RBFOX1: variants seen among roughly 807,000 people sequenced by gnomAD.
RBFOX1 encodes RNA binding protein fox-1 homolog 1.
RBFOX1 carries 8 observed loss-of-function variants against 57.7 expected under a neutral mutation model. That is an observed-to-expected ratio of 0.14 (90% CI 0.08 to 0.25). The LOEUF (loss-of-function observed/expected upper bound fraction) is 0.25. Among genes scored for constraint, RBFOX1 ranks in the 10% least tolerant of loss-of-function variants. RBFOX1 has a pLI of 1.00. For missense variants in RBFOX1, 611 were observed against 548.5 expected, an observed-to-expected ratio of 1.11 and a Z score of -1.14; for synonymous variants, 326 against 222.4, an observed-to-expected ratio of 1.47 and a Z score of -4.15.
chr16:6,575,037 C>G (rs938379358), intron 2 of RBFOX1, among the ~76,000 whole-genome samples: 5 of 31,644 alleles, frequency 1.6e-4, no homozygotes, highest in African/African-American at 3.0e-4. Context: ...GACTCCGTCT[C>G]AATTAAAAAA....
At chr16:7,096,228 T>TA (rs2061672250) in intron 4 of RBFOX1, among the ~76,000 whole-genome samples, 1 of 152,094 alleles carries the variant, frequency 6.6e-6, no homozygotes, top group African/African-American at 2.4e-5. Context: ...GTGTTATTGC[T>TA]AAAACTCATG....
rs370065223 is a variant in RBFOX1, at chr16:5,316,379, C to A, written c.219+76274C>A. Among the ~76,000 whole-genome samples the A allele has an allele frequency of 5.3e-5, 8 of 152,288 alleles. 1 individual carries two copies. The South Asian group carries it at 1.7e-3, about 32-fold the overall frequency. ...CAACTGTGTGCCTGTGTGTCTAGTG[C>A]CCAGCACACTGCCCAGAACATGGGC... On this transcript the variant is annotated intron_variant, in intron 1 of 2. Transcript: ENST00000585867.
chr16:6,411,224 C>T (rs2093449243), intron 2 of RBFOX1, among the ~76,000 whole-genome samples: 1 of 152,154 alleles, frequency 6.6e-6, no homozygotes, highest in Non-Finnish European at 1.5e-5. Flanking sequence ...GCAAGCAGTT[C>T]TCCTGCTGGG....
At chr16:5,551,132 C>G (rs947412370) in intron 2 of RBFOX1, among the ~76,000 whole-genome samples, 1 of 152,208 alleles carries the variant, frequency 6.6e-6, no homozygotes, top group Non-Finnish European at 1.5e-5. Flanking sequence ...TCCCTTCTAA[C>G]CTCTTGAGAG....
At chr16:5,652,779 C>G (rs1284186647) in intron 3 of RBFOX1, among the ~76,000 whole-genome samples, 1 of 152,166 alleles carries the variant, frequency 6.6e-6, no homozygotes, top group Non-Finnish European at 1.5e-5. Flanking sequence ...GGTTAGTGAC[C>G]CTGGGTGGAT....
chr16:6,426,805 C>G lies in RBFOX1; in HGVS notation c.-64+109748C>G, dbSNP rs143372647. ...AAGTAGGTTAGACCTGTCTTGACCT[C>G]TGCAAATTCCTGCCACATGTCTCCT... On this transcript the variant is annotated intron_variant, in intron 2 of 15. Coordinates refer to ENST00000550418, the MANE Select transcript of RBFOX1 (RefSeq NM_018723.4). Among the ~76,000 whole-genome samples the G allele has an allele frequency of 1.3e-4, 20 of 152,316 alleles. No individual in the cohort carries two copies. In the East Asian group the frequency reaches 3.9e-3, roughly 29 times the overall value.
intron 3 of RBFOX1, among the ~76,000 whole-genome samples, chr16:6,846,727 C>T (rs1470968771): frequency 6.6e-6 from 1 of 152,134 alleles, no homozygotes; most frequent in South Asian, 2.1e-4. Context: ...GCTGAGCTCT[C>T]AACATGATCT....
chr16:7,087,181 A>G (rs1019608686), intron 4 of RBFOX1, among the ~76,000 whole-genome samples: 4 of 152,130 alleles, frequency 2.6e-5, no homozygotes, highest in Non-Finnish European at 5.9e-5. Context: ...GTTGCTGCAC[A>G]TGTTCTTTTC....
chr16:5,793,962 A>G (rs935315375), intron 3 of RBFOX1, among the ~76,000 whole-genome samples: 2 of 152,186 alleles, frequency 1.3e-5, no homozygotes, highest in Non-Finnish European at 2.9e-5. Flanking sequence ...GGGAGAGTTA[A>G]TATGTAAAAT....
At chr16:6,817,291 C>T (rs1041712894) in intron 3 of RBFOX1, among the ~76,000 whole-genome samples, 7 of 152,252 alleles carry the variant, frequency 4.6e-5, no homozygotes, top group African/African-American at 1.7e-4. Flanking sequence ...GTCATAGCTT[C>T]AAACACATTT....
At chr16:6,320,560 A>G (rs1592455) in intron 2 of RBFOX1, among the ~76,000 whole-genome samples, 3 of 152,092 alleles carry the variant, frequency 2.0e-5, no homozygotes, top group African/African-American at 4.8e-5. Context: ...GTTAATGTAC[A>G]TATACCTTGT....
chr16:6,697,335 C>G (rs1317998550), intron 3 of RBFOX1, among the ~76,000 whole-genome samples: 1 of 152,094 alleles, frequency 6.6e-6, no homozygotes. Context: ...CAGAGGAAGT[C>G]ATATTAAGTA....
At chr16:6,880,877 C>T (rs985995899) in intron 3 of RBFOX1, among the ~76,000 whole-genome samples, 1 of 152,112 alleles carries the variant, frequency 6.6e-6, no homozygotes, top group African/African-American at 2.4e-5. Context: ...ATGTGGTTGA[C>T]AGAAATAAGC....
intron 4 of RBFOX1, among the ~76,000 whole-genome samples, chr16:7,083,964 G>C (rs940098480): frequency 1.3e-5 from 2 of 152,042 alleles, no homozygotes; most frequent in African/African-American, 4.8e-5. Context: ...CTGGGACCCA[G>C]AGCTGTTTGC....
intron 2 of RBFOX1, among the ~76,000 whole-genome samples, chr16:6,541,008 C>T (rs144247473): frequency 6.6e-6 from 1 of 152,184 alleles, no homozygotes; most frequent in African/African-American, 2.4e-5. Flanking sequence ...GAAGAGCAAG[C>T]ATGAGTGAAT....
At chr16:6,152,344 C>A (rs1332361417) in intron 1 of RBFOX1, among the ~76,000 whole-genome samples, 1 of 152,072 alleles carries the variant, frequency 6.6e-6, no homozygotes, top group East Asian at 1.9e-4. Context: ...CTCTCTCTCT[C>A]TTTTTAACTA....
At chr16:7,007,373 G>A (rs566580127) in intron 3 of RBFOX1, among the ~76,000 whole-genome samples, 1 of 152,314 alleles carries the variant, frequency 6.6e-6, no homozygotes, top group South Asian at 2.1e-4. Flanking sequence ...GCTGGAGAAA[G>A]TCTTGTGTTT....
intron 3 of RBFOX1, among the ~76,000 whole-genome samples, chr16:6,693,360 C>T (rs914878647): frequency 2.0e-5 from 3 of 151,708 alleles, no homozygotes; most frequent in African/African-American, 7.3e-5. Flanking sequence ...TCACCGCCAT[C>T]ATCATCAACA....
chr16:6,943,062 G>A (rs924022408), intron 3 of RBFOX1, among the ~76,000 whole-genome samples: 14 of 152,168 alleles, frequency 9.2e-5, no homozygotes, highest in Admixed American at 6.5e-4. Flanking sequence ...ATGCCTTTAC[G>A]TTAGATGCTG....
Sources: allele counts gnomAD v4.1 joint callset (sites outside exome capture counted in the v4.1 genomes callset), GRCh38; gene constraint gnomAD v4.1.1; transcripts MANE v1.5; gene names NCBI Gene and HGNC (gene_info 2026-07-23, HGNC 2026-07-21).